Variants in DAPK1 observed in about 807,000 individuals in gnomAD.
DAPK1 encodes the protein death associated protein kinase 1, also known as death-associated protein kinase 1.
In DAPK1, 56 loss-of-function variants were observed where a neutral mutation model predicts 144.9. That is an observed-to-expected ratio of 0.39 (90% CI 0.31 to 0.48). DAPK1 has a LOEUF of 0.48. Ranked by LOEUF, DAPK1 falls within the 20% of genes least tolerant of loss-of-function variation. DAPK1 has a pLI of 0.95. For missense variants in DAPK1, 1,454 were observed against 1,875.4 expected, an observed-to-expected ratio of 0.78 and a Z score of 4.15; for synonymous variants, 690 against 749.0, an observed-to-expected ratio of 0.92 and a Z score of 1.29.
chr9:87,533,649 C>T (rs1488922124), intron 2 of DAPK1, among the ~76,000 whole-genome samples: 1 of 66,134 alleles, frequency 1.5e-5, no homozygotes, highest in East Asian at 5.3e-4. Context: ...GTGTGCACTC[C>T]TTTTCTTTTC....
chr9:87,643,327 C>CT (rs529695908), intron 10 of DAPK1, 49 bp from the exon 11 acceptor site: 3 of 1,229,924 alleles, frequency 2.4e-6, no homozygotes, highest in Admixed American at 4.6e-5. Flanking sequence ...CTCACCCTGC[C>CT]TTTTTCCTCC....
chr9:87,504,962 G>A (rs1824532864), intron 2 of DAPK1, among the ~76,000 whole-genome samples: 1 of 152,194 alleles, frequency 6.6e-6, no homozygotes, highest in Non-Finnish European at 1.5e-5. Context: ...TTGAATCCAT[G>A]GATGCAGAAC....
At chr9:87,645,104 C>T (rs942715241) in intron 11 of DAPK1, among the ~76,000 whole-genome samples, 2 of 152,146 alleles carry the variant, frequency 1.3e-5, no homozygotes, top group Non-Finnish European at 2.9e-5. Context: ...ATTAACTTTT[C>T]CAGATTTGAA....
intron 2 of DAPK1, among the ~76,000 whole-genome samples, chr9:87,515,802 G>A (rs1176650724): frequency 6.6e-6 from 1 of 152,162 alleles, no homozygotes. Context: ...GGGTGCTCTT[G>A]AGCAGGAGCT....
chr9:87,639,297 T>C, intron 4 of DAPK1, 57 bp from the exon 5 acceptor site: 1 of 1,336,844 alleles, frequency 7.5e-7, no homozygotes, highest in Non-Finnish European at 1.0e-6. Context: ...TATTCTGCCA[T>C]CTTGTCCTCA....
At chr9:87,694,529 T>C (rs1587850611) in intron 21 of DAPK1, among the ~76,000 whole-genome samples, 1 of 152,214 alleles carries the variant, frequency 6.6e-6, no homozygotes, top group African/African-American at 2.4e-5. Context: ...AGAGTGGTCC[T>C]GCTTTCACTG....
At chr9:87,662,918 G>C (rs1348821363) in intron 18 of DAPK1, among the ~76,000 whole-genome samples, 1 of 151,928 alleles carries the variant, frequency 6.6e-6, no homozygotes, top group African/African-American at 2.4e-5. Context: ...TGCCCTCACA[G>C]CGCATCCTTA....
chr9:87,614,801 C>T (rs1829041734), intron 3 of DAPK1, among the ~76,000 whole-genome samples: 1 of 152,210 alleles, frequency 6.6e-6, no homozygotes, highest in South Asian at 2.1e-4. Context: ...TGCCTCTCTC[C>T]ACCCAGAGCC....
At chr9:87,509,385 G>T (rs957321072) in intron 2 of DAPK1, among the ~76,000 whole-genome samples, 2 of 151,854 alleles carry the variant, frequency 1.3e-5, no homozygotes, top group African/African-American at 4.8e-5. Flanking sequence ...TTTTGAAATG[G>T]AGTTTTCCTC....
At chr9:87,508,010 A>G (rs912734107) in intron 2 of DAPK1, among the ~76,000 whole-genome samples, 2 of 152,150 alleles carry the variant, frequency 1.3e-5, no homozygotes, top group African/African-American at 4.8e-5. Context: ...TTGAAACTGT[A>G]TAAACTTTTC....
intron 3 of DAPK1, among the ~76,000 whole-genome samples, chr9:87,617,888 G>A (rs1378129479): frequency 6.6e-6 from 1 of 152,136 alleles, no homozygotes; most frequent in African/African-American, 2.4e-5. Flanking sequence ...GCATCTTCCT[G>A]GTTGCTCAGA....
chr9:87,559,872 C>T (rs1826843982), intron 2 of DAPK1, among the ~76,000 whole-genome samples: 1 of 152,044 alleles, frequency 6.6e-6, no homozygotes, highest in Non-Finnish European at 1.5e-5. Flanking sequence ...CTCAGAAAGG[C>T]CCCCATTCTT....
intron 2 of DAPK1, among the ~76,000 whole-genome samples, chr9:87,516,445 A>G (rs1825058483): frequency 6.6e-6 from 1 of 151,960 alleles, no homozygotes; most frequent in African/African-American, 2.4e-5. Flanking sequence ...TGGCCCCGCA[A>G]CTTCCCATTG....
intron 2 of DAPK1, among the ~76,000 whole-genome samples, chr9:87,583,022 A>G: frequency 6.6e-6 from 1 of 152,008 alleles, no homozygotes; most frequent in Middle Eastern, 3.2e-3. Context: ...CGATCTCGGG[A>G]TTTGTCTTCT....
chr9:87,599,528 T>A (rs1828437861), intron 2 of DAPK1, among the ~76,000 whole-genome samples: 1 of 152,234 alleles, frequency 6.6e-6, no homozygotes, highest in Admixed American at 6.5e-5. Flanking sequence ...TCAAGTTTTT[T>A]AATATAAAAC....
chr9:87,694,070 G>T (rs1230108317), intron 21 of DAPK1, among the ~76,000 whole-genome samples: 3 of 152,130 alleles, frequency 2.0e-5, no homozygotes. Context: ...CTCAAGTGCT[G>T]GTAGTAGTAG....
intron 2 of DAPK1, among the ~76,000 whole-genome samples, chr9:87,514,181 C>A (rs917362333): frequency 2.0e-5 from 3 of 151,950 alleles, no homozygotes; most frequent in Non-Finnish European, 4.4e-5. Flanking sequence ...GAGCCTGCAC[C>A]TAGTGGGCAA....
At chr9:87,671,033 C>G (rs1015843822) in intron 19 of DAPK1, among the ~76,000 whole-genome samples, 1 of 152,102 alleles carries the variant, frequency 6.6e-6, no homozygotes, top group Non-Finnish European at 1.5e-5. Flanking sequence ...GAAAAAGGAC[C>G]GAGGGAGAGC....
chr9:87,647,673 C>T (rs912477424), intron 14 of DAPK1, among the ~76,000 whole-genome samples: 1 of 152,196 alleles, frequency 6.6e-6, no homozygotes, highest in African/African-American at 2.4e-5. Context: ...AGTTCTAGTA[C>T]AGACAACCAG....
Sources: allele counts gnomAD v4.1 joint callset (sites outside exome capture counted in the v4.1 genomes callset), GRCh38; gene constraint gnomAD v4.1.1; transcripts MANE v1.5; gene names NCBI Gene and HGNC (gene_info 2026-07-23, HGNC 2026-07-21).